The following ZFAT variants were observed in gnomAD, a reference collection of about 807,000 sequenced individuals.
The protein encoded by ZFAT is zinc finger protein ZFAT.
ZFAT carries 64 observed loss-of-function variants against 117.7 expected under a neutral mutation model. The observed-to-expected ratio is 0.54, with a 90% CI of 0.44 to 0.67. The LOEUF is 0.67. Ranked by LOEUF, ZFAT falls within the 30% of genes least tolerant of loss-of-function variation. The pLI, the probability that ZFAT is intolerant of heterozygous loss-of-function variation, is 0.00. For synonymous variants in ZFAT, 679 were observed against 615.0 expected, an observed-to-expected ratio of 1.10 and a Z score of -1.54; for missense variants, 1,433 against 1,584.5, an observed-to-expected ratio of 0.90 and a Z score of 1.62.
At chr8:134,611,878 A>G (rs1467456544) in intron 3 of ZFAT, among the ~76,000 whole-genome samples, 2 of 144,634 alleles carry the variant, frequency 1.4e-5, no homozygotes, top group Non-Finnish European at 3.0e-5. Flanking sequence ...AAAATGTTGA[A>G]ATACACTGAA....
chr8:134,774,034 G>T, the ZFAT span, among the ~76,000 whole-genome samples: 57,243 of 128,470 alleles, frequency 0.45, 11,981 homozygotes, highest in Middle Eastern at 0.56. Flanking sequence ...TCACTCTTGT[G>T]GCCCAGGCTG....
intron 2 of ZFAT, among the ~76,000 whole-genome samples, chr8:134,638,189 G>A (rs1283905538): frequency 6.6e-6 from 1 of 152,058 alleles, no homozygotes; most frequent in Non-Finnish European, 1.5e-5. Context: ...GAGTCAAATT[G>A]TCCTGGCAAG....
chr8:134,625,220 T>C (rs1282332215), intron 3 of ZFAT, among the ~76,000 whole-genome samples: 3 of 152,182 alleles, frequency 2.0e-5, no homozygotes, highest in Non-Finnish European at 4.4e-5. Flanking sequence ...CTCTTCCCAA[T>C]AAAGAGAAAC....
chr8:134,549,922 G>A (rs958305572), intron 11 of ZFAT, among the ~76,000 whole-genome samples: 4 of 152,234 alleles, frequency 2.6e-5, no homozygotes, highest in African/African-American at 7.2e-5. Context: ...ACAAACGCCC[G>A]AAAGGAAGAG....
At chr8:134,760,008 C>A in the ZFAT span, among the ~76,000 whole-genome samples, 2 of 136,508 alleles carry the variant, frequency 1.5e-5, no homozygotes, top group South Asian at 4.6e-4. Flanking sequence ...AGGCCGGGTG[C>A]GGTGGCTCAT....
rs555596836 is a variant in ZFAT at position 134,666,565 on chromosome 8, T to C, written c.20-8828A>G. Reference sequence around the variant, plus strand: ...GACTTCATGATTAAGGATAAGCCTGTCTACAACAAGCGAAAAAACATTGTG... The same window carrying C: ...GACTTCATGATTAAGGATAAGCCTGCCTACAACAAGCGAAAAAACATTGTG... On this transcript the variant is annotated intron_variant, in intron 1 of 15. Transcript: ENST00000377838. Among the ~76,000 whole-genome samples the C allele has an allele frequency of 1.2e-4, 18 of 152,246 alleles. 1 individual carries two copies. The highest frequency in any genetic ancestry group is 3.4e-3 in the Middle Eastern group (1 of 294).
chr8:134,700,004 C>A (rs1833968042), intron 1 of ZFAT, among the ~76,000 whole-genome samples: 1 of 152,228 alleles, frequency 6.6e-6, no homozygotes, highest in South Asian at 2.1e-4. Context: ...TACTCCCCGA[C>A]AGACTTTGAA....
intron 2 of ZFAT, among the ~76,000 whole-genome samples, chr8:134,648,271 A>G (rs1325687138): frequency 2.0e-5 from 3 of 151,636 alleles, no homozygotes; most frequent in Non-Finnish European, 4.4e-5. Context: ...AAAAAAAAAC[A>G]GAAGCAAGCT....
intron 2 of ZFAT, among the ~76,000 whole-genome samples, chr8:134,643,344 T>C (rs1031713187): frequency 1.3e-5 from 2 of 152,242 alleles, no homozygotes; most frequent in East Asian, 3.8e-4. Flanking sequence ...AGAAATAATA[T>C]ACTTTGACCT....
intron 2 of ZFAT, among the ~76,000 whole-genome samples, chr8:134,643,998 C>T (rs1357366803): frequency 6.6e-6 from 1 of 152,230 alleles, no homozygotes; most frequent in East Asian, 1.9e-4. Flanking sequence ...GAAGAGACAA[C>T]ATACAGATTT....
At chr8:134,535,498 CCTCCCT>C (rs1458668283) in intron 11 of ZFAT, among the ~76,000 whole-genome samples, 8 of 124,662 alleles carry the variant, frequency 6.4e-5, no homozygotes, top group South Asian at 3.4e-4. Flanking sequence ...TCCCCCTCCC[CCTCCCT>C]CTCCCTCCCT....
intron 8 of ZFAT, 149 bp downstream of exon 8, chr8:134,590,119 C>A (rs963934675): frequency 1.7e-6 from 1 of 597,200 alleles, no homozygotes; most frequent in Non-Finnish European, 2.9e-6. Flanking sequence ...AACTTCCCAG[C>A]GTCGAATAAA....
intron 1 of ZFAT, among the ~76,000 whole-genome samples, chr8:134,676,097 T>A (rs1832782602): frequency 6.6e-6 from 1 of 151,838 alleles, no homozygotes; most frequent in Non-Finnish European, 1.5e-5. Flanking sequence ...CATAACAATA[T>A]CAACCTTAAA....
chr8:134,574,987 GA>G (rs147318163), intron 10 of ZFAT, among the ~76,000 whole-genome samples: 42 of 146,320 alleles, frequency 2.9e-4, no homozygotes, highest in African/African-American at 7.7e-4. Flanking sequence ...GAGAATATTT[GA>G]AAAAAAAAAG....
At chr8:134,807,281 CAT>C in the ZFAT span, among the ~76,000 whole-genome samples, 13 of 152,220 alleles carry the variant, frequency 8.5e-5, no homozygotes, top group African/African-American at 1.4e-4. Context: ...TACCTAAACA[CAT>C]CTCTTCCTAT....
chr8:134,604,130 TA>T, intron 5 of ZFAT, among the ~76,000 whole-genome samples: 1 of 152,364 alleles, frequency 6.6e-6, no homozygotes, highest in Middle Eastern at 3.4e-3. Flanking sequence ...AATGAGATGG[TA>T]ATAATAACAG....
chr8:134,597,447 T>A (rs1467274394), intron 7 of ZFAT: 1 of 152,244 alleles, frequency 6.6e-6, no homozygotes, highest in African/African-American at 2.4e-5. Flanking sequence ...CTCCTCACTC[T>A]CTTTCCTGGC....
intron 11 of ZFAT, among the ~76,000 whole-genome samples, chr8:134,544,379 G>A (rs769720836): frequency 6.6e-5 from 10 of 152,082 alleles, no homozygotes; most frequent in Admixed American, 6.5e-5. Flanking sequence ...AATGATTCAC[G>A]TGTAGTTAGT....
At chr8:134,667,257 G>A (rs1173180780) in intron 1 of ZFAT, among the ~76,000 whole-genome samples, 1 of 152,108 alleles carries the variant, frequency 6.6e-6, no homozygotes, top group Non-Finnish European at 1.5e-5. Context: ...ACTTTGGGAG[G>A]CCGAGATGGG....
Sources: gnomAD v4.1 joint callset for allele counts (sites outside exome capture counted in the v4.1 genomes callset) on GRCh38, gnomAD v4.1.1 for gene constraint, MANE v1.5 for transcripts, NCBI Gene and HGNC (gene_info 2026-07-23, HGNC 2026-07-21) for gene names.